Variants in PDGFD observed in about 807,000 individuals in gnomAD.
PDGFD encodes the protein platelet-derived growth factor D.
PDGFD carries 30 observed loss-of-function variants against 44.7 expected under a neutral mutation model. The ratio of observed to expected loss-of-function variants is 0.67; its 90% CI spans 0.50 to 0.91. The LOEUF is 0.91. Ranked by LOEUF, PDGFD falls within the 40% of genes least tolerant of loss-of-function variation. PDGFD has a pLI of 0.00. For synonymous variants in PDGFD, 173 were observed against 168.4 expected, an observed-to-expected ratio of 1.03 and a Z score of -0.21; for missense variants, 445 against 457.8, an observed-to-expected ratio of 0.97 and a Z score of 0.25.
chr11:104,017,620 AAAT>A (rs1305207233), intron 1 of PDGFD, among the ~76,000 whole-genome samples: 1 of 152,338 alleles, frequency 6.6e-6, no homozygotes, highest in East Asian at 1.9e-4. Context: ...ACCGTTCAAC[AAAT>A]AATAACAGAG....
intron 1 of PDGFD, among the ~76,000 whole-genome samples, chr11:104,061,507 T>C (rs1267380013): frequency 2.0e-5 from 3 of 152,224 alleles, no homozygotes; most frequent in South Asian, 2.1e-4. Flanking sequence ...ATCTGTTCCA[T>C]TAACAGATGA....
intron 1 of PDGFD, among the ~76,000 whole-genome samples, chr11:104,131,787 A>C (rs1424043725): frequency 1.4e-5 from 2 of 140,962 alleles, no homozygotes; most frequent in Non-Finnish European, 1.5e-5. Flanking sequence ...AGTATCCTAA[A>C]TGGCAATGAA....
intron 1 of PDGFD, among the ~76,000 whole-genome samples, chr11:104,033,074 G>A (rs1461857599): frequency 6.7e-6 from 1 of 149,086 alleles, no homozygotes. Flanking sequence ...GTGTGTGTGT[G>A]TAATATATTT....
chr11:104,040,898 A>G (rs1440359274), intron 1 of PDGFD, among the ~76,000 whole-genome samples: 1 of 152,050 alleles, frequency 6.6e-6, no homozygotes, highest in African/African-American at 2.4e-5. Flanking sequence ...TTTTAAAATT[A>G]TATTTTATGT....
At chr11:104,069,775 G>C (rs1173864657) in intron 1 of PDGFD, among the ~76,000 whole-genome samples, 1 of 152,214 alleles carries the variant, frequency 6.6e-6, no homozygotes, top group Non-Finnish European at 1.5e-5. Context: ...CAGGAGAATG[G>C]CGTGAACCCG....
intron 5 of PDGFD, 44 bp from the exon 6 acceptor site, chr11:103,927,170 G>T (rs773859429): frequency 6.5e-7 from 1 of 1,530,022 alleles, no homozygotes; most frequent in Non-Finnish European, 9.0e-7. Flanking sequence ...ACAACAGTAA[G>T]CACAATTGCT....
intron 3 of PDGFD, among the ~76,000 whole-genome samples, chr11:103,985,467 C>A (rs1472955533): frequency 6.6e-6 from 1 of 151,530 alleles, no homozygotes; most frequent in Non-Finnish European, 1.5e-5. Flanking sequence ...TCCCAAAGTG[C>A]TGGGATTACA....
intron 1 of PDGFD, among the ~76,000 whole-genome samples, chr11:104,093,127 A>G (rs1273029592): frequency 6.6e-6 from 1 of 152,094 alleles, no homozygotes; most frequent in African/African-American, 2.4e-5. Context: ...AACCTAAATG[A>G]TTTTAAGTTT....
At chr11:104,118,647 T>G (rs970384140) in intron 1 of PDGFD, among the ~76,000 whole-genome samples, 2 of 147,500 alleles carry the variant, frequency 1.4e-5, no homozygotes, top group African/African-American at 5.0e-5. Flanking sequence ...GATATCCCAT[T>G]GCTAACTTGC....
At chr11:104,115,855 A>G (rs1432128151) in intron 1 of PDGFD, among the ~76,000 whole-genome samples, 1 of 151,788 alleles carries the variant, frequency 6.6e-6, no homozygotes, top group African/African-American at 2.4e-5. Context: ...CTGTCTATTC[A>G]TGTCCTTAGC....
chr11:104,095,516 TCTC>T (rs1007868104), intron 1 of PDGFD, among the ~76,000 whole-genome samples: 2 of 151,818 alleles, frequency 1.3e-5, no homozygotes, highest in African/African-American at 4.8e-5. Context: ...CACCTAAAAT[TCTC>T]CTCATAAAAT....
chr11:103,998,008 A>C (rs1449864346), intron 2 of PDGFD, among the ~76,000 whole-genome samples: 1 of 152,140 alleles, frequency 6.6e-6, no homozygotes, highest in African/African-American at 2.4e-5. Context: ...TTCCTCCCTT[A>C]ATTTCAAGGC....
intron 1 of PDGFD, among the ~76,000 whole-genome samples, chr11:104,061,032 C>T (rs913564450): frequency 6.6e-6 from 1 of 152,090 alleles, no homozygotes; most frequent in Non-Finnish European, 1.5e-5. Context: ...GCCCTGGTAA[C>T]CTCTAATCTA....
chr11:104,026,442 T>C (rs1860042903), intron 1 of PDGFD, among the ~76,000 whole-genome samples: 1 of 152,226 alleles, frequency 6.6e-6, no homozygotes, highest in South Asian at 2.1e-4. Context: ...TTATACAATA[T>C]GACATATAGT....
rs982113921 is a variant in PDGFD, at chr11:103,908,854, G to A, written c.*840C>T. ...GCCATTCTTGAAAGGATTTGCTTTTGTGGAGGGGTTTTGCAAAGAAAAACA... is the reference window on the plus strand; with the variant it reads ...GCCATTCTTGAAAGGATTTGCTTTTATGGAGGGGTTTTGCAAAGAAAAACA... On this transcript the variant is annotated 3_prime_UTR_variant, in exon 7 of 7. Coordinates refer to ENST00000393158, the MANE Select transcript of PDGFD (RefSeq NM_025208.5). 1 of 152,112 alleles carries A rather than the reference G, an allele frequency of 6.6e-6. No individual in the cohort carries two copies. The highest frequency in any genetic ancestry group is 2.1e-4 in the South Asian group (1 of 4,802). The allele number at this position is 152,112 out of a possible 1,614,324, so 9.4% of individuals were successfully genotyped here. A position where few individuals can be genotyped will look rare whatever the true frequency, so the allele number is the denominator to read the frequency against.
chr11:103,951,269 G>C (rs925855660), intron 3 of PDGFD, among the ~76,000 whole-genome samples: 2 of 152,118 alleles, frequency 1.3e-5, no homozygotes, highest in African/African-American at 4.8e-5. Context: ...GAACCTCCAA[G>C]GTTTTAGCCC....
chr11:104,072,044 A>G (rs1361135700), intron 1 of PDGFD, among the ~76,000 whole-genome samples: 1 of 151,652 alleles, frequency 6.6e-6, no homozygotes, highest in African/African-American at 2.4e-5. Context: ...TATTCTATTT[A>G]GGTTTTTGGG....
At chr11:104,109,894 C>A (rs1305835374) in intron 1 of PDGFD, among the ~76,000 whole-genome samples, 1 of 152,090 alleles carries the variant, frequency 6.6e-6, no homozygotes, top group Non-Finnish European at 1.5e-5. Flanking sequence ...GTGCTCAGTG[C>A]ACCTCTCATC....
At chr11:104,091,881 C>A (rs957181009) in intron 1 of PDGFD, among the ~76,000 whole-genome samples, 2 of 152,126 alleles carry the variant, frequency 1.3e-5, no homozygotes, top group Non-Finnish European at 2.9e-5. Context: ...ACAGTCATAT[C>A]TATCAGAATA....
Sources: gnomAD v4.1 joint callset for allele counts (sites outside exome capture counted in the v4.1 genomes callset) on GRCh38, gnomAD v4.1.1 for gene constraint, MANE v1.5 for transcripts, NCBI Gene and HGNC (gene_info 2026-07-23, HGNC 2026-07-21) for gene names.